ATRNL1: variants seen among roughly 807,000 people sequenced by gnomAD.
ATRNL1 encodes the protein attractin-like protein 1.
In ATRNL1, 95 loss-of-function variants were observed where a neutral mutation model predicts 182.7. The ratio of observed to expected loss-of-function variants is 0.52; its 90% CI spans 0.44 to 0.62. ATRNL1 has a LOEUF of 0.62. Among genes scored for constraint, ATRNL1 ranks in the 20% least tolerant of loss-of-function variants. The probability of loss-of-function intolerance (pLI) is 0.00; values close to 1 mark genes in which losing one functional copy is unlikely to be tolerated. For synonymous variants in ATRNL1, 576 were observed against 568.3 expected, an observed-to-expected ratio of 1.01 and a Z score of -0.19; for missense variants, 1,471 against 1,679.5, an observed-to-expected ratio of 0.88 and a Z score of 2.17.
intron 5 of ATRNL1, among the ~76,000 whole-genome samples, chr10:115,141,942 CATTT>C (rs1332335519): frequency 1.3e-5 from 2 of 152,000 alleles, no homozygotes; most frequent in Non-Finnish European, 2.9e-5. Flanking sequence ...TTCATGAATT[CATTT>C]ATTTATCTTT....
chr10:115,593,901 A>T (rs1856067422), intron 26 of ATRNL1, among the ~76,000 whole-genome samples: 1 of 152,074 alleles, frequency 6.6e-6, no homozygotes. Flanking sequence ...CAGGTAGTAT[A>T]CAATTATTTT....
chr10:115,107,547 GC>G (rs1224932691), intron 1 of ATRNL1, among the ~76,000 whole-genome samples: 2 of 152,182 alleles, frequency 1.3e-5, no homozygotes, highest in Non-Finnish European at 1.5e-5. Flanking sequence ...GCTCATGCCT[GC>G]CGCTCTTATA....
intron 19 of ATRNL1, among the ~76,000 whole-genome samples, chr10:115,335,117 C>G (rs12356495): frequency 0.31 from 47,587 of 152,100 alleles, 8,641 homozygotes; most frequent in Middle Eastern, 0.44. Flanking sequence ...CCATCTTCCT[C>G]TCTATTCTGC....
intron 15 of ATRNL1, among the ~76,000 whole-genome samples, chr10:115,291,266 C>A (rs1852889049): frequency 6.6e-6 from 1 of 152,174 alleles, no homozygotes; most frequent in African/African-American, 2.4e-5. Flanking sequence ...AACAGGGACA[C>A]TTTGACTTCT....
At chr10:115,716,288 G>T (rs1375603546) in intron 26 of ATRNL1, among the ~76,000 whole-genome samples, 2 of 152,060 alleles carry the variant, frequency 1.3e-5, no homozygotes, top group Non-Finnish European at 2.9e-5. Context: ...AACTGAAAAT[G>T]ACTCCATTAG....
Position 115,268,437 on chromosome 10 carries a change from G to A in ATRNL1, c.2093G>A (p.Cys698Tyr). 6.3e-7 allele frequency: 1 copy of A among 1,596,034 alleles called. No homozygotes were observed. Among genetic ancestry groups the A allele is most frequent in the South Asian group, 1.1e-5 (1 of 90,688 alleles). ...DKKCISANSNCSMSVKNYTKC... is the reference protein window; with the variant it reads ...DKKCISANSNYSMSVKNYTKC... Reference sequence around the variant, plus strand: ...AAATGCATTTCGGCAAATAGTAACTGCAGTATGGTTAGTATTTATGGGTAA... The same window carrying A: ...AAATGCATTTCGGCAAATAGTAACTACAGTATGGTTAGTATTTATGGGTAA... The change falls in exon 13 of 29, where the codon TGC becomes TAC. Residue 698 changes from cysteine to tyrosine, a missense_variant. Transcript: ENST00000355044.
intron 23 of ATRNL1, among the ~76,000 whole-genome samples, chr10:115,468,468 G>A (rs17796481): frequency 0.16 from 24,782 of 150,506 alleles, 2,569 homozygotes; most frequent in South Asian, 0.24. Context: ...ATTCAATTAC[G>A]CAGTATACTA....
At chr10:115,160,319 G>A (rs782218144) in intron 6 of ATRNL1, 105 bp downstream of exon 6, 74 of 1,088,938 alleles carry the variant, frequency 6.8e-5, no homozygotes, top group Non-Finnish European at 9.2e-5. Flanking sequence ...TTATTTTTGT[G>A]GTAGTGTCTA....
intron 8 of ATRNL1, among the ~76,000 whole-genome samples, chr10:115,181,745 T>C (rs1554887857): frequency 6.6e-6 from 1 of 151,770 alleles, no homozygotes; most frequent in Non-Finnish European, 1.5e-5. Context: ...AGTTGTATTA[T>C]TGCGGTGCCC....
chr10:115,322,590 T>A (rs1854638835), intron 18 of ATRNL1, among the ~76,000 whole-genome samples: 1 of 152,088 alleles, frequency 6.6e-6, no homozygotes, highest in African/African-American at 2.4e-5. Context: ...TAATTACCAG[T>A]ACTGTTTTTC....
chr10:115,521,222 C>A (rs116925860), intron 25 of ATRNL1, among the ~76,000 whole-genome samples: 1 of 151,736 alleles, frequency 6.6e-6, no homozygotes, highest in African/African-American at 2.4e-5. Context: ...GGCGCTATTT[C>A]GGCTCACTGC....
At chr10:115,419,736 A>G (rs1308106103) in intron 20 of ATRNL1, among the ~76,000 whole-genome samples, 1 of 152,244 alleles carries the variant, frequency 6.6e-6, no homozygotes, top group Non-Finnish European at 1.5e-5. Flanking sequence ...ATAAACATAT[A>G]TGTGCCCACT....
rs144042000 is a variant in ATRNL1, at chr10:115,614,802, C to T, written c.3795+65266C>T. 2.6e-3 allele frequency among the ~76,000 whole-genome samples: 391 copies of T among 152,202 alleles called. 1 individual carries two copies. The highest frequency in any genetic ancestry group is 9.1e-3 in the African/African-American group (377 of 41,554). Reference sequence around the variant, plus strand: ...CTTATTTGTCCCTTTTGTTCTTCGACTTAAAATATCTATTTTGTCTGATAT... The same window carrying T: ...CTTATTTGTCCCTTTTGTTCTTCGATTTAAAATATCTATTTTGTCTGATAT... On this transcript the variant is annotated intron_variant, in intron 26 of 28. Transcript: ENST00000355044.
At chr10:115,719,025 T>G (rs1170772924) in intron 26 of ATRNL1, among the ~76,000 whole-genome samples, 1 of 152,172 alleles carries the variant, frequency 6.6e-6, no homozygotes, top group Non-Finnish European at 1.5e-5. Flanking sequence ...ACAGGCAAAT[T>G]TATTCACCAT....
chr10:115,499,839 C>A lies in ATRNL1; in HGVS notation c.3655-19424C>A, dbSNP rs566332536. Among the ~76,000 whole-genome samples, 448 of 152,264 alleles carry A rather than the reference C, an allele frequency of 2.9e-3. 2 individuals carry two copies. The highest frequency in any genetic ancestry group is 4.7e-3 in the Non-Finnish European group (318 of 68,014). On this transcript the variant is annotated intron_variant, in intron 24 of 28. Coordinates refer to ENST00000355044, the MANE Select transcript of ATRNL1 (RefSeq NM_207303.4). The stretch of plus-strand genomic sequence containing the variant: ...TTCCCAGCTTGATTTTTCCCTGTAG[C>A]TTAGTGATTTGGAGGCATCAAGGTT...
chr10:115,211,252 T>G (rs1377899311), intron 8 of ATRNL1, among the ~76,000 whole-genome samples: 1 of 151,662 alleles, frequency 6.6e-6, no homozygotes, highest in East Asian at 1.9e-4. Flanking sequence ...TTCTTTTTTT[T>G]TTTTTAATTT....
intron 22 of ATRNL1, among the ~76,000 whole-genome samples, chr10:115,464,904 G>T (rs1847980484): frequency 6.6e-6 from 1 of 151,656 alleles, no homozygotes; most frequent in South Asian, 2.1e-4. Flanking sequence ...GGGTGAAGAT[G>T]AAGATGAAGA....
intron 26 of ATRNL1, among the ~76,000 whole-genome samples, chr10:115,566,310 C>T (rs549716582): frequency 6.6e-6 from 1 of 152,226 alleles, no homozygotes; most frequent in South Asian, 2.1e-4. Context: ...TATCATTTAA[C>T]ATGAAACACG....
chr10:115,364,810 G>A (rs2134170007), intron 19 of ATRNL1, among the ~76,000 whole-genome samples: 1 of 151,516 alleles, frequency 6.6e-6, no homozygotes, highest in East Asian at 1.9e-4. Context: ...CTGTTTATAT[G>A]CTGGATTACA....
Sources: gnomAD v4.1 joint callset for allele counts (sites outside exome capture counted in the v4.1 genomes callset) on GRCh38, gnomAD v4.1.1 for gene constraint, MANE v1.5 for transcripts, NCBI Gene and HGNC (gene_info 2026-07-23, HGNC 2026-07-21) for gene names.